The following POU3F3 variants were observed in gnomAD, a reference collection of about 807,000 sequenced individuals.
The protein encoded by POU3F3 is POU class 3 homeobox 3.
In POU3F3, 1 loss-of-function variant was observed where a neutral mutation model predicts 8.6. That is an observed-to-expected ratio of 0.12 (90% confidence interval 0.04 to 0.55). The LOEUF (loss-of-function observed/expected upper bound fraction) is 0.55, where lower values mean the gene tolerates loss of function less well. Ranked by LOEUF, POU3F3 falls within the 20% of genes least tolerant of loss-of-function variation. The pLI, the probability that POU3F3 is intolerant of heterozygous loss-of-function variation, is 0.91. For synonymous variants in POU3F3, 418 were observed against 327.4 expected, an observed-to-expected ratio of 1.28 and a Z score of -2.99; for missense variants, 577 against 690.7, an observed-to-expected ratio of 0.84 and a Z score of 1.84.
the POU3F3 span, among the ~76,000 whole-genome samples, chr2:104,886,683 G>A: frequency 6.6e-6 from 1 of 152,140 alleles, no homozygotes; most frequent in Non-Finnish European, 1.5e-5. Flanking sequence ...TGAGGTAGGT[G>A]GATCACCTGA....
the POU3F3 span, among the ~76,000 whole-genome samples, chr2:104,893,969 A>G: frequency 6.6e-6 from 1 of 152,140 alleles, no homozygotes; most frequent in South Asian, 2.1e-4. Flanking sequence ...GTTAGCTCCT[A>G]TGGCACGGCT....
the POU3F3 span, among the ~76,000 whole-genome samples, chr2:104,912,458 G>GC: frequency 3.3e-5 from 5 of 151,918 alleles, 1 homozygote; most frequent in East Asian, 5.8e-4. Context: ...GGTGTGGGGG[G>GC]CCCCCACAGG....
At chr2:104,886,441 C>A in the POU3F3 span, among the ~76,000 whole-genome samples, 3 of 152,122 alleles carry the variant, frequency 2.0e-5, no homozygotes, top group African/African-American at 7.2e-5. Flanking sequence ...ACGTGTGTAA[C>A]AGGCTATACC....
the POU3F3 span, among the ~76,000 whole-genome samples, chr2:104,899,648 A>C: frequency 8.5e-5 from 13 of 152,246 alleles, no homozygotes; most frequent in Non-Finnish European, 1.9e-4. Flanking sequence ...AGGATGTAGA[A>C]CCAATCAAAG....
At chr2:104,903,176 C>A in the POU3F3 span, among the ~76,000 whole-genome samples, 1 of 152,312 alleles carries the variant, frequency 6.6e-6, no homozygotes, top group South Asian at 2.1e-4. Context: ...ATTTCTATTA[C>A]ACAATTACTA....
the POU3F3 span, among the ~76,000 whole-genome samples, chr2:104,870,738 T>C: frequency 6.6e-6 from 1 of 152,300 alleles, no homozygotes; most frequent in African/African-American, 2.4e-5. Context: ...AGCAGAAATT[T>C]ATTCCCTTCC....
the POU3F3 span, among the ~76,000 whole-genome samples, chr2:104,923,966 G>A: frequency 1.3e-5 from 2 of 152,288 alleles, no homozygotes; most frequent in East Asian, 1.9e-4. Context: ...AGACAAAGTA[G>A]AATGTTGCTT....
the POU3F3 span, among the ~76,000 whole-genome samples, chr2:104,900,307 C>T: frequency 1.4e-3 from 218 of 152,210 alleles, no homozygotes; most frequent in African/African-American, 4.9e-3. Context: ...CAAGTGAGGG[C>T]GTCCTTCCAC....
chr2:104,892,615 G>C, the POU3F3 span, among the ~76,000 whole-genome samples: 199 of 151,296 alleles, frequency 1.3e-3, no homozygotes, highest in African/African-American at 4.3e-3. Flanking sequence ...ACAAGTGCAT[G>C]CAACCACTCC....
chr2:104,868,338 C>A, the POU3F3 span: 13 of 456,600 alleles, frequency 2.8e-5, no homozygotes, highest in Non-Finnish European at 4.8e-5. Flanking sequence ...GCAGTGCAAG[C>A]ATCAGGCAGC....
the POU3F3 span, among the ~76,000 whole-genome samples, chr2:104,875,104 G>A: frequency 8.2e-3 from 1,242 of 152,278 alleles, 19 homozygotes; most frequent in African/African-American, 0.028. Context: ...TCATCTTTTT[G>A]TGACTGGCTT....
rs772868054 is a variant in POU3F3 at position 104,856,344 on chromosome 2, G to A, written c.834G>A (p.Ala278=). 2.0e-6 allele frequency: 3 copies of A among 1,511,846 alleles called. No homozygotes were observed. Among genetic ancestry groups the A allele is most frequent in the Admixed American group, 2.1e-5 (1 of 48,116 alleles). The allele number at this position is 1,511,846 out of a possible 1,614,324, so 93.7% of individuals were successfully genotyped here. A position where few individuals can be genotyped will look rare whatever the true frequency, so the allele number is the denominator to read the frequency against. ...ACCACCACCACCACCACCACCACGCGCATCCTCACCCGCCGCACCCGCACC... is the reference window on the plus strand; with the variant it reads ...ACCACCACCACCACCACCACCACGCACATCCTCACCCGCCGCACCCGCACC... ...AEHHHHHHHH[A]HPHPPHPHHA... is the part of the protein sequence containing the mutation. Residue 278 remains alanine (A), a synonymous_variant, in exon 1 of 1, where the codon GCG becomes GCA. Coordinates refer to ENST00000361360, the MANE Select transcript of POU3F3 (RefSeq NM_006236.3).
the POU3F3 span, among the ~76,000 whole-genome samples, chr2:104,885,223 C>G: frequency 6.6e-6 from 1 of 152,170 alleles, no homozygotes; most frequent in Non-Finnish European, 1.5e-5. Context: ...TTTGTGAACA[C>G]CACAGTTTAT....
chr2:104,898,522 CA>C, the POU3F3 span, among the ~76,000 whole-genome samples: 1 of 151,974 alleles, frequency 6.6e-6, no homozygotes, highest in African/African-American at 2.4e-5. Flanking sequence ...ATTCTAGTGT[CA>C]AAAATGTAAA....
At chr2:104,911,250 AG>A in the POU3F3 span, among the ~76,000 whole-genome samples, 1 of 151,318 alleles carries the variant, frequency 6.6e-6, no homozygotes, top group East Asian at 1.9e-4. Flanking sequence ...TCTACTAAAA[AG>A]TACAAAAAAA....
the POU3F3 span, among the ~76,000 whole-genome samples, chr2:104,901,822 G>A: frequency 2.7e-3 from 415 of 152,354 alleles, 3 homozygotes; most frequent in African/African-American, 9.1e-3. Flanking sequence ...CGGAGCCACG[G>A]CCAGGTTGGT....
chr2:104,922,392 CAAAAAAA>C, the POU3F3 span, among the ~76,000 whole-genome samples: 1 of 71,042 alleles, frequency 1.4e-5, no homozygotes, highest in African/African-American at 5.4e-5. Context: ...TGAAGATGCT[CAAAAAAA>C]AAAAAAAAAA....
At chr2:104,923,327 T>C in the POU3F3 span, among the ~76,000 whole-genome samples, 1 of 152,228 alleles carries the variant, frequency 6.6e-6, no homozygotes, top group African/African-American at 2.4e-5. Flanking sequence ...TTTTAAAAAT[T>C]ATTTGTTTGG....
At position 104,857,042 on chromosome 2, in the gene POU3F3, C is replaced by T; in HGVS notation, c.*29C>T. 7.0e-7 allele frequency: 1 copy of T among 1,418,658 alleles called. No individual in the cohort carries two copies. The allele number at this position is 1,418,658 out of a possible 1,614,324, so 87.9% of individuals were successfully genotyped here. A position where few individuals can be genotyped will look rare whatever the true frequency, so the allele number is the denominator to read the frequency against. ...CAGGGCGCAGAGCGAAGAGGGCCGC[C>T]GCCGCCGCCGCCTCCGCAGCCGCCG... On this transcript the variant is annotated 3_prime_UTR_variant, in exon 1 of 1. Transcript: ENST00000361360.
Sources: gnomAD v4.1 joint callset for allele counts (sites outside exome capture counted in the v4.1 genomes callset) on GRCh38, gnomAD v4.1.1 for gene constraint, MANE v1.5 for transcripts, NCBI Gene and HGNC (gene_info 2026-07-23, HGNC 2026-07-21) for gene names.